The following RSPH9 variants were observed in gnomAD, a reference collection of about 807,000 sequenced individuals.
RSPH9 encodes radial spoke head component 9, also known as radial spoke head protein 9 homolog.
Under a neutral mutation model 27.0 loss-of-function variants are expected in RSPH9, and 27 were observed. That is an observed-to-expected ratio of 1.00 (90% CI 0.74 to 1.38). The LOEUF (loss-of-function observed/expected upper bound fraction) is 1.38, where lower values mean the gene tolerates loss of function less well. RSPH9 is among the 40% of genes most tolerant of loss of function. The probability of loss-of-function intolerance (pLI) is 0.00; values close to 1 mark genes in which losing one functional copy is unlikely to be tolerated. For missense variants in RSPH9, 347 were observed against 357.4 expected, an observed-to-expected ratio of 0.97 and a Z score of 0.24; for synonymous variants, 145 against 147.7, an observed-to-expected ratio of 0.98 and a Z score of 0.13.
chr6:43,671,546 G>T lies in RSPH9; in HGVS notation c.*597G>T. ...CTAAGCCCCATAGCAGCTGGCAAGGGACCCAACTGCCCTGCCTGCCTCTAG... is the reference window on the plus strand; with the variant it reads ...CTAAGCCCCATAGCAGCTGGCAAGGTACCCAACTGCCCTGCCTGCCTCTAG... On this transcript the variant is annotated 3_prime_UTR_variant, in exon 5 of 5. Transcript: ENST00000372163. 1.7e-6 allele frequency: 1 copy of T among 599,324 alleles called. No homozygotes were observed. The allele number at this position is 599,324 out of a possible 1,614,324, so 37.1% of individuals were successfully genotyped here.
intron 2 of RSPH9, 26 bp from the exon 3 acceptor site, chr6:43,655,536 G>C: frequency 1.2e-6 from 2 of 1,613,930 alleles, no homozygotes; most frequent in Non-Finnish European, 1.7e-6. Context: ...TGCCCTGGCA[G>C]GGGGGCTCCT....
Position 43,672,058 on chromosome 6 carries a change from G to T in RSPH9, c.*1109G>T. On this transcript the variant is annotated 3_prime_UTR_variant, in exon 5 of 5. Coordinates refer to ENST00000372163, the MANE Select transcript of RSPH9 (RefSeq NM_152732.5). ...TCCTGAAGTGCAGGGATTTTCCTGG[G>T]AGTAACTGCTGAGCGTCCTGTAAAC... 1 of 928,506 alleles carries T rather than the reference G, an allele frequency of 1.1e-6. No individual in the cohort carries two copies. Among genetic ancestry groups the T allele is most frequent in the East Asian group, 2.7e-5 (1 of 37,582 alleles). The allele number at this position is 928,506 out of a possible 1,614,324, so 57.5% of individuals were successfully genotyped here.
intron 4 of RSPH9, among the ~76,000 whole-genome samples, chr6:43,664,827 C>T (rs1406985975): frequency 6.6e-6 from 1 of 152,210 alleles, no homozygotes; most frequent in Non-Finnish European, 1.5e-5. Flanking sequence ...TCTCCTCCAT[C>T]TCTGCTCCCA....
intron 3 of RSPH9, 76 bp from the exon 4 acceptor site, chr6:43,656,501 G>A: frequency 6.6e-7 from 1 of 1,521,112 alleles, no homozygotes; most frequent in Non-Finnish European, 9.1e-7. Flanking sequence ...CCTACCATGT[G>A]GTCCCAGTGC....
chr6:43,660,038 C>T (rs1772451437), intron 4 of RSPH9, among the ~76,000 whole-genome samples: 1 of 134,088 alleles, frequency 7.5e-6, no homozygotes, highest in East Asian at 2.4e-4. Context: ...CCCAGCCTGG[C>T]CTTTTTTTTT....
chr6:43,659,865 T>G (rs925066717), intron 4 of RSPH9, among the ~76,000 whole-genome samples: 3 of 151,694 alleles, frequency 2.0e-5, no homozygotes, highest in African/African-American at 7.3e-5. Flanking sequence ...CCTGAGTAGC[T>G]GGGATTACAG....
chr6:43,660,010 C>G (rs909633190), intron 4 of RSPH9, among the ~76,000 whole-genome samples: 5 of 148,020 alleles, frequency 3.4e-5, no homozygotes, highest in Non-Finnish European at 7.4e-5. Flanking sequence ...TGTTGGATTA[C>G]AGGCGTGAGC....
chr6:43,666,053 T>G (rs1031996135), intron 4 of RSPH9, among the ~76,000 whole-genome samples: 1 of 152,086 alleles, frequency 6.6e-6, no homozygotes, highest in East Asian at 1.9e-4. Flanking sequence ...CTTGAACAAC[T>G]CAGCTCAAGG....
intron 3 of RSPH9, 140 bp downstream of exon 3, chr6:43,655,831 G>A: frequency 2.9e-6 from 3 of 1,037,690 alleles, no homozygotes; most frequent in Non-Finnish European, 1.4e-6. Context: ...CTGGGAGGGT[G>A]TGCCCAGTGA....
At chr6:43,668,127 G>A (rs1355578911) in intron 4 of RSPH9, among the ~76,000 whole-genome samples, 1 of 152,138 alleles carries the variant, frequency 6.6e-6, no homozygotes, top group East Asian at 1.9e-4. Flanking sequence ...GAGAGAGCGG[G>A]GGCTGTGAAC....
At chr6:43,666,007 G>A (rs766552711) in intron 4 of RSPH9, among the ~76,000 whole-genome samples, 7 of 151,922 alleles carry the variant, frequency 4.6e-5, no homozygotes, top group Admixed American at 2.0e-4. Context: ...TGTATTTTTT[G>A]TAGAGATGAG....
chr6:43,646,838 C>T (rs1770925663), intron 1 of RSPH9, among the ~76,000 whole-genome samples: 1 of 151,588 alleles, frequency 6.6e-6, no homozygotes, highest in Non-Finnish European at 1.5e-5. Flanking sequence ...CGCCTGTAGT[C>T]CTAGCTACTC....
chr6:43,664,711 G>A (rs879231093), intron 4 of RSPH9, among the ~76,000 whole-genome samples: 30 of 152,362 alleles, frequency 2.0e-4, no homozygotes, highest in Admixed American at 1.0e-3. Context: ...GGCCAGTGCT[G>A]TAGTGACAGA....
At chr6:43,668,080 G>A (rs1424417381) in intron 4 of RSPH9, among the ~76,000 whole-genome samples, 1 of 152,026 alleles carries the variant, frequency 6.6e-6, no homozygotes, top group African/African-American at 2.4e-5. Context: ...CTGGAGAAGA[G>A]TGGCTGCTAG....
In RSPH9 at chr6:43,645,073, G is replaced by A. The variant is rs755755517; in HGVS notation, c.-26G>A. On this transcript the variant is annotated 5_prime_UTR_variant, in exon 1 of 5. Coordinates refer to ENST00000372163, the MANE Select transcript of RSPH9 (RefSeq NM_152732.5). ...AGGCGGCTTCTCCTAGCAACTCGAC[G>A]GGCGTTGAGCGGAGCCGCTGACCTG... The A allele has an allele frequency of 6.3e-7, 1 of 1,599,682 alleles. No homozygotes were observed. The highest frequency in any genetic ancestry group is 1.3e-5 in the African/African-American group (1 of 74,784).
Position 43,645,238 on chromosome 6 carries a change from GGGGC to G in RSPH9, c.141_144del (p.Trp47CysfsTer16), listed in dbSNP as rs1770716505. ...TACCGCTATGATCGGGTTCTCTTCT[GGGGC>G]CGCATCCTTGGCCTCGTCGCCGATT... On this transcript the variant is annotated frameshift_variant, in exon 1 of 5. Transcript: ENST00000372163. LOFTEE classifies it high-confidence loss of function. 1.2e-6 allele frequency: 2 copies of G among 1,613,970 alleles called. No homozygotes were observed. Among genetic ancestry groups the G allele is most frequent in the African/African-American group, 2.7e-5 (2 of 74,952 alleles).
rs199530879 is a variant in RSPH9 at position 43,671,832 on chromosome 6, A to G, written c.*883A>G. 1.2e-6 allele frequency: 2 copies of G among 1,614,154 alleles called. No individual in the cohort carries two copies. Among genetic ancestry groups the G allele is most frequent in the Non-Finnish European group, 8.5e-7 (1 of 1,180,020 alleles). On this transcript the variant is annotated 3_prime_UTR_variant, in exon 5 of 5. Transcript: ENST00000372163. ...CCTCAGAAGGGGTGACCCCACGGGC[A>G]TGCGCACCCTGTTCCAGCGGGGGCC...
Position 43,671,948 on chromosome 6 carries a change from C to A in RSPH9, c.*999C>A. On this transcript the variant is annotated 3_prime_UTR_variant, in exon 5 of 5. Coordinates refer to ENST00000372163, the MANE Select transcript of RSPH9 (RefSeq NM_152732.5). ...AAGAGGTGCCTGTGAGGGCTGGGGG[C>A]CCAAGCTGGACGTGGGAGAGTGGAG... 2 of 1,537,948 alleles carry A rather than the reference C, an allele frequency of 1.3e-6. No homozygotes were observed. Among genetic ancestry groups the A allele is most frequent in the Non-Finnish European group, 8.8e-7 (1 of 1,140,734 alleles).
rs541296107 is a variant in RSPH9, at chr6:43,667,898, C to G, written c.671-2891C>G. On this transcript the variant is annotated intron_variant, in intron 4 of 4. Coordinates refer to ENST00000372163, the MANE Select transcript of RSPH9 (RefSeq NM_152732.5). ...TGGCCTACTGTCCCTCGATCTTAAT[C>G]CCAGAGCTGCCTTTCTTCCAGGATG... is the stretch of plus-strand genomic sequence containing the variant. Among the ~76,000 whole-genome samples, 10 of 152,284 alleles carry G rather than the reference C, an allele frequency of 6.6e-5. No homozygotes were observed. The South Asian group carries it at 2.1e-3, about 32-fold the overall frequency.
Sources: allele counts gnomAD v4.1 joint callset (sites outside exome capture counted in the v4.1 genomes callset), GRCh38; gene constraint gnomAD v4.1.1; transcripts MANE v1.5; gene names NCBI Gene and HGNC (gene_info 2026-07-23, HGNC 2026-07-21).